The following AKAP6 variants were observed in gnomAD, a reference collection of about 807,000 sequenced individuals.
AKAP6 encodes the protein A-kinase anchoring protein 6.
In AKAP6, 58 loss-of-function variants were observed where a neutral mutation model predicts 188.5. That is an observed-to-expected ratio of 0.31 (90% confidence interval 0.25 to 0.38). The LOEUF (loss-of-function observed/expected upper bound fraction) is 0.38, where lower values mean the gene tolerates loss of function less well. Ranked by LOEUF, AKAP6 falls within the 10% of genes least tolerant of loss-of-function variation. The probability of loss-of-function intolerance (pLI) is 1.00; values close to 1 mark genes in which losing one functional copy is unlikely to be tolerated. For synonymous variants in AKAP6, 989 were observed against 998.6 expected (o/e 0.99, Z 0.18); for missense variants, 2,710 against 2,740.0 (o/e 0.99, Z 0.24).
intron 2 of AKAP6, among the ~76,000 whole-genome samples, chr14:32,486,289 G>C (rs1594666700): frequency 6.7e-6 from 1 of 149,876 alleles, no homozygotes; most frequent in African/African-American, 2.5e-5. Context: ...GGATTGTCTT[G>C]GCTATATGGG....
intron 12 of AKAP6, among the ~76,000 whole-genome samples, chr14:32,786,507 G>C (rs2033427057): frequency 6.6e-6 from 1 of 150,894 alleles, no homozygotes; most frequent in Admixed American, 6.6e-5. Flanking sequence ...TTTATTTTTA[G>C]TAGAGATGGG....
At chr14:32,510,428 A>ATATATG (rs1168195778) in intron 2 of AKAP6, among the ~76,000 whole-genome samples, 1 of 87,510 alleles carries the variant, frequency 1.1e-5, no homozygotes, top group African/African-American at 6.5e-5. Flanking sequence ...ATATATACAT[A>ATATATG]TATATATGTG....
intron 8 of AKAP6, among the ~76,000 whole-genome samples, chr14:32,682,737 T>C (rs1889732540): frequency 6.6e-6 from 1 of 152,144 alleles, no homozygotes; most frequent in South Asian, 2.1e-4. Context: ...CCGACCCTAC[T>C]GAAAATTTTG....
At chr14:32,467,771 AT>A (rs995894933) in intron 2 of AKAP6, among the ~76,000 whole-genome samples, 8 of 152,090 alleles carry the variant, frequency 5.3e-5, no homozygotes, top group African/African-American at 1.9e-4. Flanking sequence ...TTCCTGCAAT[AT>A]CACACATTTT....
chr14:32,549,892 T>G (rs1212858917), intron 4 of AKAP6, among the ~76,000 whole-genome samples: 1 of 152,202 alleles, frequency 6.6e-6, no homozygotes. Flanking sequence ...AGAAAGATGG[T>G]CCTGGCAGAC....
Position 32,773,903 on chromosome 14 carries a change from G to GTGA in AKAP6, c.3588+10_3588+11insTGA. ...GATGGGAAAGGAATCTGTGAGTGATGCTTTTTTTAAGCATAATTGTCTGTC... is the reference window on the plus strand; with the variant it reads ...GATGGGAAAGGAATCTGTGAGTGATGTGACTTTTTTTAAGCATAATTGTCTGTC... On this transcript the variant is annotated intron_variant, in intron 12 of 13. Transcript: ENST00000280979. 1 of 1,611,580 alleles carries GTGA rather than the reference G, an allele frequency of 6.2e-7. No homozygotes were observed. Among genetic ancestry groups the GTGA allele is most frequent in the African/African-American group, 1.3e-5 (1 of 74,960 alleles).
rs2034835853 is a variant in AKAP6 at position 32,832,858 on chromosome 14, G to T, written c.*3053G>T. 1 of 152,524 alleles carries T rather than the reference G, an allele frequency of 6.6e-6. No homozygotes were observed. The highest frequency in any genetic ancestry group is 6.6e-5 in the Admixed American group (1 of 15,260). The allele number at this position is 152,524 out of a possible 1,614,324, so 9.4% of individuals were successfully genotyped here. On this transcript the variant is annotated 3_prime_UTR_variant, in exon 14 of 14. Transcript: ENST00000280979. ...TCTCCCAACCACTGTTTCCTCAACTGCCCTTCATATGTCATGGTTTTCAGA... is the reference window on the plus strand; with the variant it reads ...TCTCCCAACCACTGTTTCCTCAACTTCCCTTCATATGTCATGGTTTTCAGA...
At position 32,670,492 on chromosome 14, in the gene AKAP6, G is replaced by C. The variant is rs111657388; in HGVS notation, c.2731-7819G>C. 7.3e-3 allele frequency among the ~76,000 whole-genome samples: 1,113 copies of C among 152,216 alleles called. 23 individuals are homozygous for C. Among genetic ancestry groups the C allele is most frequent in the African/African-American group, 0.025 (1,019 of 41,544 alleles). ...GTAAGTATTTTTGTAAGGAAGCAAA[G>C]GAAAAGACAGGTGCTTAGATATACT... On this transcript the variant is annotated intron_variant, in intron 7 of 13. Coordinates refer to ENST00000280979, the MANE Select transcript of AKAP6 (RefSeq NM_004274.5).
chr14:32,433,770 C>G lies in AKAP6; in HGVS notation c.277C>G (p.Gln93Glu). ...RVRDLTYSVQ[Q>E]DSDSKHVDVH... ...CCGAGACCTAACCTATTCAGTCCAG[C>G]AGGATTCGGACAGCAAGCATGTGGA... is the stretch of plus-strand genomic sequence containing the variant. Residue 93 changes from glutamine to glutamate, a missense_variant, in exon 2 of 14, where the codon CAG (glutamine) becomes GAG (glutamate). By Grantham distance (29) the Gln-to-Glu change is conservative. This residue lies in a region of AKAP6 where 237 missense variants were observed against 313.9 expected (regional missense o/e 0.76). Transcript: ENST00000280979. The G allele has an allele frequency of 6.2e-7, 1 of 1,614,152 alleles. No homozygotes were observed. The highest frequency in any genetic ancestry group is 8.5e-7 in the Non-Finnish European group (1 of 1,180,040).
At chr14:32,331,003 G>A (rs1886516471) in intron 1 of AKAP6, among the ~76,000 whole-genome samples, 1 of 151,980 alleles carries the variant, frequency 6.6e-6, no homozygotes, top group Non-Finnish European at 1.5e-5. Context: ...GGACTGCTGG[G>A]TGTGAACACA....
intron 7 of AKAP6, among the ~76,000 whole-genome samples, chr14:32,624,648 A>G (rs1270031244): frequency 6.6e-6 from 1 of 152,124 alleles, no homozygotes; most frequent in African/African-American, 2.4e-5. Context: ...ATATAAGAAA[A>G]CATACTTCTT....
intron 4 of AKAP6, among the ~76,000 whole-genome samples, chr14:32,565,000 G>T (rs1025613657): frequency 6.6e-6 from 1 of 152,136 alleles, no homozygotes; most frequent in African/African-American, 2.4e-5. Flanking sequence ...CAGAATCATT[G>T]AGATAGACAA....
chr14:32,533,693 T>G (rs1045777306), intron 2 of AKAP6, among the ~76,000 whole-genome samples: 12 of 152,052 alleles, frequency 7.9e-5, no homozygotes, highest in Admixed American at 6.5e-4. Flanking sequence ...GGGGTAGTGG[T>G]CAAGAGGTGT....
chr14:32,719,049 C>G (rs750055903), intron 9 of AKAP6, among the ~76,000 whole-genome samples: 26 of 152,038 alleles, frequency 1.7e-4, no homozygotes, highest in Non-Finnish European at 3.4e-4. Flanking sequence ...CATAAGAAAT[C>G]AGATATTTTC....
At chr14:32,812,456 G>A (rs546093211) in intron 12 of AKAP6, among the ~76,000 whole-genome samples, 3 of 152,074 alleles carry the variant, frequency 2.0e-5, no homozygotes, top group Non-Finnish European at 2.9e-5. Context: ...AAATTCCAGG[G>A]AAACACCAAA....
At chr14:32,713,659 T>C (rs991046823) in intron 9 of AKAP6, among the ~76,000 whole-genome samples, 4 of 152,020 alleles carry the variant, frequency 2.6e-5, no homozygotes, top group Non-Finnish European at 4.4e-5. Flanking sequence ...CAACCTCTGT[T>C]AGTGTCCAAC....
At chr14:32,793,459 C>G (rs2033670484) in intron 12 of AKAP6, among the ~76,000 whole-genome samples, 1 of 151,824 alleles carries the variant, frequency 6.6e-6, no homozygotes, top group Non-Finnish European at 1.5e-5. Context: ...GGGCTCAATT[C>G]AATAAAAAAA....
At chr14:32,713,261 TG>T (rs2029992219) in intron 9 of AKAP6, among the ~76,000 whole-genome samples, 1 of 152,052 alleles carries the variant, frequency 6.6e-6, no homozygotes, top group Non-Finnish European at 1.5e-5. Flanking sequence ...CAGGCTTTGT[TG>T]TTCCACTGAT....
Position 32,462,915 on chromosome 14 carries a change from A to AAAAC in AKAP6, c.324+29101_324+29102insCAAA, listed in dbSNP as rs1383268958. ...CAAATGGAAAGCAAAAAAAAAAAAA[A>AAAAC]AAAAAAAAAAACCCGGGGTTGCAAT... On this transcript the variant is annotated intron_variant, in intron 2 of 13. Coordinates refer to ENST00000280979, the MANE Select transcript of AKAP6 (RefSeq NM_004274.5). Among the ~76,000 whole-genome samples the AAAAC allele has an allele frequency of 1.4e-3, 190 of 135,434 alleles. 2 individuals carry two copies. The highest frequency in any genetic ancestry group is 5.0e-3 in the African/African-American group (161 of 32,224). The allele number at this position is 135,434 out of a possible 152,430, so 88.8% of individuals were successfully genotyped here. A position where few individuals can be genotyped will look rare whatever the true frequency, so the allele number is the denominator to read the frequency against.
Sources: gnomAD v4.1 joint callset for allele counts (sites outside exome capture counted in the v4.1 genomes callset) on GRCh38, gnomAD v4.1.1 for gene constraint, gnomAD v4.1.1 regional missense constraint, MANE v1.5 for transcripts, NCBI Gene and HGNC (gene_info 2026-07-23, HGNC 2026-07-21) for gene names.